Variants in TBC1D22A observed in about 807,000 individuals in gnomAD.
TBC1D22A encodes the protein TBC1 domain family member 22A.
Under a neutral mutation model 60.2 loss-of-function variants are expected in TBC1D22A, and 38 were observed. The observed-to-expected ratio is 0.63, with a 90% CI of 0.49 to 0.83. The LOEUF is 0.83. Ranked by LOEUF, TBC1D22A falls within the 40% of genes least tolerant of loss-of-function variation. The pLI is 0.00. For synonymous variants in TBC1D22A, 302 were observed against 281.7 expected (o/e 1.07, Z -0.72); for missense variants, 628 against 701.0 (o/e 0.90, Z 1.18).
At chr22:47,140,583 A>G (rs1601644605) in intron 12 of TBC1D22A, among the ~76,000 whole-genome samples, 1 of 151,570 alleles carries the variant, frequency 6.6e-6, no homozygotes, top group African/African-American at 2.4e-5. Flanking sequence ...AGAAAGAAAG[A>G]AAGAAAATGC....
At position 47,164,565 on chromosome 22, in the gene TBC1D22A, C is replaced by T. The variant is rs1274144077; in HGVS notation, c.1426-8933C>T. On this transcript the variant is annotated intron_variant, in intron 12 of 12. Coordinates refer to ENST00000337137, the MANE Select transcript of TBC1D22A (RefSeq NM_014346.5). Reference sequence around the variant, plus strand: ...CTTGCTGAGGAGACTGGCGGTCTCTCGGCCACAGAGGGTTCCTGGGCCTGT... The same window carrying T: ...CTTGCTGAGGAGACTGGCGGTCTCTTGGCCACAGAGGGTTCCTGGGCCTGT... Among the ~76,000 whole-genome samples the T allele has an allele frequency of 3.3e-5, 5 of 152,316 alleles. 1 individual carries two copies. The South Asian group carries it at 6.2e-4, about 19-fold the overall frequency.
In TBC1D22A at chr22:46,768,182, G is replaced by A. The variant is rs150904917; in HGVS notation, c.62+5334G>A. On this transcript the variant is annotated intron_variant, in intron 1 of 12. Transcript: ENST00000337137. Reference sequence around the variant, plus strand: ...CTGTGGTGGTGGCAAGAAATGGTAAGTGATAAGAATCCGAAGGTTTGGCCG... The same window carrying A: ...CTGTGGTGGTGGCAAGAAATGGTAAATGATAAGAATCCGAAGGTTTGGCCG... 438 of 152,772 alleles carry A rather than the reference G, an allele frequency of 2.9e-3. 1 individual carries two copies. Among genetic ancestry groups the A allele is most frequent in the Non-Finnish European group, 4.6e-3 (312 of 68,378 alleles). 9.5% of individuals were successfully genotyped at this position (152,772 alleles called of 1,614,324 possible). A position where few individuals can be genotyped will look rare whatever the true frequency, so the allele number is the denominator to read the frequency against.
chr22:47,159,316 TACAC>T (rs773888869), intron 12 of TBC1D22A, among the ~76,000 whole-genome samples: 2 of 84,216 alleles, frequency 2.4e-5, no homozygotes, highest in African/African-American at 5.7e-5. Context: ...CATGTATACA[TACAC>T]ACACATGTAT....
chr22:46,866,185 ACCT>A (rs2067043528), intron 4 of TBC1D22A, among the ~76,000 whole-genome samples: 1 of 151,870 alleles, frequency 6.6e-6, no homozygotes, highest in South Asian at 2.1e-4. Flanking sequence ...CCTCACCGCA[ACCT>A]CCTCCTCCTG....
intron 1 of TBC1D22A, among the ~76,000 whole-genome samples, chr22:46,780,238 C>G (rs2083880157): frequency 6.6e-6 from 1 of 152,188 alleles, no homozygotes; most frequent in South Asian, 2.1e-4. Flanking sequence ...GATTAGCCAT[C>G]AAATGAATTT....
chr22:46,818,733 C>T (rs892898531), intron 4 of TBC1D22A, among the ~76,000 whole-genome samples: 6 of 152,100 alleles, frequency 3.9e-5, no homozygotes, highest in South Asian at 2.1e-4. Context: ...GGTTTGATTC[C>T]GTATGAAATT....
intron 7 of TBC1D22A, among the ~76,000 whole-genome samples, chr22:46,904,153 A>AT (rs1479581463): frequency 2.0e-5 from 2 of 100,256 alleles, no homozygotes; most frequent in African/African-American, 7.2e-5. Flanking sequence ...CTACCTACCT[A>AT]CCTACCTACC....
intron 4 of TBC1D22A, among the ~76,000 whole-genome samples, chr22:46,831,814 C>T (rs577676214): frequency 5.0e-4 from 76 of 152,218 alleles, no homozygotes; most frequent in African/African-American, 1.7e-3. Flanking sequence ...TTTGGCAATC[C>T]GTTTGAAAGA....
chr22:46,993,371 C>T (rs182261141), intron 9 of TBC1D22A, among the ~76,000 whole-genome samples: 1 of 152,288 alleles, frequency 6.6e-6, no homozygotes, highest in Admixed American at 6.5e-5. Flanking sequence ...CCTCTCTTCC[C>T]TCTGATGCAT....
At chr22:47,095,776 A>G (rs1406837702) in intron 11 of TBC1D22A, among the ~76,000 whole-genome samples, 3 of 152,226 alleles carry the variant, frequency 2.0e-5, no homozygotes, top group Admixed American at 1.3e-4. Flanking sequence ...CTTGAGAGGA[A>G]GGTTACAGGG....
chr22:46,993,285 G>A (rs562200012), intron 9 of TBC1D22A, among the ~76,000 whole-genome samples: 3 of 152,296 alleles, frequency 2.0e-5, no homozygotes, highest in South Asian at 4.1e-4. Context: ...CAAGCTGAGC[G>A]TATTTTTAAA....
chr22:46,827,451 C>A (rs1569097690), intron 4 of TBC1D22A, among the ~76,000 whole-genome samples: 3 of 152,240 alleles, frequency 2.0e-5, no homozygotes, highest in African/African-American at 4.8e-5. Flanking sequence ...ATCCCTAAGG[C>A]ATTTCAGCCA....
intron 9 of TBC1D22A, among the ~76,000 whole-genome samples, chr22:46,981,207 T>C (rs903486577): frequency 6.6e-6 from 1 of 152,086 alleles, no homozygotes; most frequent in Non-Finnish European, 1.5e-5. Context: ...ATGCATGACC[T>C]TGACCCTGTA....
chr22:47,138,384 C>G, intron 12 of TBC1D22A, among the ~76,000 whole-genome samples: 1 of 151,724 alleles, frequency 6.6e-6, no homozygotes, highest in Non-Finnish European at 1.5e-5. Context: ...GACACACAGA[C>G]CCCACCCCAA....
At chr22:47,077,794 G>C (rs1265390157) in intron 11 of TBC1D22A, among the ~76,000 whole-genome samples, 2 of 152,196 alleles carry the variant, frequency 1.3e-5, no homozygotes, top group Admixed American at 1.3e-4. Context: ...CTGGGATAAA[G>C]CTCATTTTGT....
intron 11 of TBC1D22A, among the ~76,000 whole-genome samples, chr22:47,048,848 C>T (rs1422731974): frequency 6.6e-6 from 1 of 152,186 alleles, no homozygotes; most frequent in Admixed American, 6.5e-5. Flanking sequence ...CTTTGGACAT[C>T]GCAGCCCCCA....
intron 8 of TBC1D22A, among the ~76,000 whole-genome samples, chr22:46,968,712 C>T (rs2073929789): frequency 1.3e-5 from 2 of 152,232 alleles, no homozygotes; most frequent in Non-Finnish European, 2.9e-5. Context: ...TTAGCCCATC[C>T]ATCCCACTGT....
At chr22:46,820,560 T>A (rs1288007097) in intron 4 of TBC1D22A, among the ~76,000 whole-genome samples, 1 of 152,262 alleles carries the variant, frequency 6.6e-6, no homozygotes, top group African/African-American at 2.4e-5. Flanking sequence ...GATTTCTTAA[T>A]CCTGAATTCT....
At chr22:47,110,267 G>A (rs963306420) in intron 11 of TBC1D22A, among the ~76,000 whole-genome samples, 2 of 152,132 alleles carry the variant, frequency 1.3e-5, no homozygotes, top group Non-Finnish European at 2.9e-5. Context: ...ATCACCGGAG[G>A]TCAGGAGTTC....
Sources: allele counts gnomAD v4.1 joint callset (sites outside exome capture counted in the v4.1 genomes callset), GRCh38; gene constraint gnomAD v4.1.1; transcripts MANE v1.5; gene names NCBI Gene and HGNC (gene_info 2026-07-23, HGNC 2026-07-21).